Variants in ZBTB7C observed in about 807,000 individuals in gnomAD.
The protein encoded by ZBTB7C is zinc finger and BTB domain containing 7C.
In ZBTB7C, 8 loss-of-function variants were observed where a neutral mutation model predicts 25.7. That is an observed-to-expected ratio of 0.31 (90% confidence interval 0.18 to 0.56). The LOEUF (loss-of-function observed/expected upper bound fraction) is 0.56. ZBTB7C is among the 20% of genes least tolerant of loss of function. The pLI, the probability that ZBTB7C is intolerant of heterozygous loss-of-function variation, is 0.91. For synonymous variants in ZBTB7C, 394 were observed against 369.0 expected (o/e 1.07, Z -0.78); for missense variants, 824 against 855.2 (o/e 0.96, Z 0.46).
intron 2 of ZBTB7C, among the ~76,000 whole-genome samples, chr18:48,244,036 G>A (rs1007421275): frequency 1.3e-5 from 2 of 152,154 alleles, no homozygotes; most frequent in African/African-American, 4.8e-5. Context: ...AAGATGCATT[G>A]AAGACTTAAA....
At chr18:48,332,725 G>A (rs2046369883) in intron 2 of ZBTB7C, among the ~76,000 whole-genome samples, 1 of 134,928 alleles carries the variant, frequency 7.4e-6, no homozygotes, top group East Asian at 2.2e-4. Flanking sequence ...CAATTACCAG[G>A]CAAGCCAGGG....
chr18:48,248,953 T>C (rs7239460), intron 2 of ZBTB7C, among the ~76,000 whole-genome samples: 11 of 152,158 alleles, frequency 7.2e-5, no homozygotes, highest in African/African-American at 2.7e-4. Flanking sequence ...TTTAAATTTA[T>C]AAAAACACCA....
At chr18:48,234,175 G>A (rs1416212868) in intron 2 of ZBTB7C, among the ~76,000 whole-genome samples, 2 of 151,486 alleles carry the variant, frequency 1.3e-5, no homozygotes, top group East Asian at 3.9e-4. Context: ...TCTTTCTGAA[G>A]TCTTCTGCAA....
At chr18:48,222,990 C>G (rs1352669410) in intron 2 of ZBTB7C, among the ~76,000 whole-genome samples, 1 of 152,220 alleles carries the variant, frequency 6.6e-6, no homozygotes, top group Non-Finnish European at 1.5e-5. Flanking sequence ...TGTTCTGAGA[C>G]AGCAACCCCC....
At chr18:48,141,143 A>ACCC (rs201273460) in intron 3 of ZBTB7C, among the ~76,000 whole-genome samples, 29 of 96,076 alleles carry the variant, frequency 3.0e-4, no homozygotes, top group East Asian at 6.7e-4. Flanking sequence ...TCCCCCCCGC[A>ACCC]CCACCCCCCC....
chr18:48,327,763 G>A (rs2046255097), intron 2 of ZBTB7C, among the ~76,000 whole-genome samples: 1 of 150,136 alleles, frequency 6.7e-6, no homozygotes, highest in Non-Finnish European at 1.5e-5. Flanking sequence ...GAGGAGGGGG[G>A]CACCCAAACA....
At chr18:48,304,651 G>C (rs558009077) in intron 2 of ZBTB7C, among the ~76,000 whole-genome samples, 1 of 151,798 alleles carries the variant, frequency 6.6e-6, no homozygotes, top group Non-Finnish European at 1.5e-5. Context: ...CTCCAGCCTG[G>C]GCAACACAGT....
At chr18:48,063,241 C>G (rs1354468209) in intron 3 of ZBTB7C, among the ~76,000 whole-genome samples, 1 of 152,252 alleles carries the variant, frequency 6.6e-6, no homozygotes, top group Non-Finnish European at 1.5e-5. Flanking sequence ...ATGCACCACC[C>G]ATCTCCGCTG....
At chr18:48,305,562 G>T (rs1199872444) in intron 2 of ZBTB7C, among the ~76,000 whole-genome samples, 1 of 152,150 alleles carries the variant, frequency 6.6e-6, no homozygotes, top group Non-Finnish European at 1.5e-5. Flanking sequence ...ACCCCTCCTG[G>T]GTGCTATAGA....
intron 3 of ZBTB7C, among the ~76,000 whole-genome samples, chr18:48,117,908 G>A (rs529715733): frequency 2.6e-5 from 4 of 151,082 alleles, no homozygotes; most frequent in South Asian, 2.1e-4. Flanking sequence ...ACAAAGCTTC[G>A]TGAAATTGAT....
intron 2 of ZBTB7C, among the ~76,000 whole-genome samples, chr18:48,263,891 C>T (rs959865933): frequency 6.6e-6 from 1 of 152,046 alleles, no homozygotes; most frequent in African/African-American, 2.4e-5. Flanking sequence ...AAATTAGCCC[C>T]CCAAATGGAG....
intron 2 of ZBTB7C, among the ~76,000 whole-genome samples, chr18:48,192,965 TA>T (rs143289195): frequency 0.15 from 22,965 of 151,694 alleles, 1,923 homozygotes; most frequent in Non-Finnish European, 0.18. Flanking sequence ...GTTTCTTAAT[TA>T]AAAAAAAATC....
chr18:48,320,653 C>T (rs1015738923), intron 2 of ZBTB7C, among the ~76,000 whole-genome samples: 6 of 152,220 alleles, frequency 3.9e-5, no homozygotes, highest in African/African-American at 1.4e-4. Context: ...ATAAAATCTA[C>T]CCTAAATGCT....
At chr18:48,245,628 C>T (rs979919708) in intron 2 of ZBTB7C, among the ~76,000 whole-genome samples, 4 of 151,628 alleles carry the variant, frequency 2.6e-5, no homozygotes, top group Non-Finnish European at 4.4e-5. Context: ...TTGGAGAATG[C>T]GCTCCATCAA....
chr18:48,102,965 G>T (rs1054225471), intron 3 of ZBTB7C, among the ~76,000 whole-genome samples: 2 of 151,384 alleles, frequency 1.3e-5, no homozygotes, highest in African/African-American at 4.9e-5. Flanking sequence ...TTCAACTGAT[G>T]ACATTTATAA....
rs2044063704 is a variant in ZBTB7C at position 48,257,856 on chromosome 18, T to C, written c.-78-71861A>G. Among the ~76,000 whole-genome samples the C allele has an allele frequency of 2.0e-5, 3 of 151,664 alleles. No homozygotes were observed. In the South Asian group the frequency reaches 6.2e-4, roughly 32 times the overall value. On this transcript the variant is annotated intron_variant, in intron 2 of 4. Transcript: ENST00000590800. ...TTTGATAAAATCAAACATCCATTTCTGATTAAGAAAAAAACCTATCAATAA... is the reference window on the plus strand; with the variant it reads ...TTTGATAAAATCAAACATCCATTTCCGATTAAGAAAAAAACCTATCAATAA...
intron 3 of ZBTB7C, among the ~76,000 whole-genome samples, chr18:48,105,693 A>G (rs1286229316): frequency 6.6e-6 from 1 of 152,166 alleles, no homozygotes; most frequent in African/African-American, 2.4e-5. Context: ...CAAAACAAAA[A>G]AAAGGTAGAT....
At chr18:48,164,314 AAC>A (rs1408355880) in intron 3 of ZBTB7C, among the ~76,000 whole-genome samples, 5 of 152,142 alleles carry the variant, frequency 3.3e-5, no homozygotes, top group Non-Finnish European at 4.4e-5. Flanking sequence ...GCCGCAACAC[AAC>A]CACAAAATGT....
intron 4 of ZBTB7C, among the ~76,000 whole-genome samples, chr18:48,037,302 G>A (rs531079565): frequency 1.2e-3 from 182 of 152,350 alleles, no homozygotes; most frequent in Non-Finnish European, 2.2e-3. Context: ...CCAGATGGCT[G>A]GATGACCAGA....
Sources: gnomAD v4.1 joint callset for allele counts (sites outside exome capture counted in the v4.1 genomes callset) on GRCh38, gnomAD v4.1.1 for gene constraint, MANE v1.5 for transcripts, NCBI Gene and HGNC (gene_info 2026-07-23, HGNC 2026-07-21) for gene names.